Variants in PLEKHG4 observed in about 807,000 individuals in gnomAD.
PLEKHG4 encodes the protein puratrophin-1.
In PLEKHG4, 85 loss-of-function variants were observed where a neutral mutation model predicts 136.9. The ratio of observed to expected loss-of-function variants is 0.62; its 90% confidence interval spans 0.52 to 0.74. PLEKHG4 has a LOEUF of 0.74. PLEKHG4 is among the 30% of genes least tolerant of loss of function. The probability of loss-of-function intolerance (pLI) is 0.00; values close to 1 mark genes in which losing one functional copy is unlikely to be tolerated. For missense variants in PLEKHG4, 1,317 were observed against 1,527.8 expected, an observed-to-expected ratio of 0.86 and a Z score of 2.30; for synonymous variants, 577 against 646.9, an observed-to-expected ratio of 0.89 and a Z score of 1.64.
chr16:67,277,990 TTCAC>T (rs2036054592), upstream of PLEKHG4: 1 of 152,244 alleles, frequency 6.6e-6, no homozygotes, highest in Admixed American at 6.5e-5. Flanking sequence ...GCCTCTGGCA[TTCAC>T]AGGGGTATGT....
rs2036617379 is a variant in PLEKHG4 at position 67,288,913 on chromosome 16, C to T, written c.*105C>T. ...GTGTGGCTGACACCTGGGCTACCTC[C>T]AACCTACATGTGCAACGCTGTTGAC... On this transcript the variant is annotated 3_prime_UTR_variant, in exon 22 of 22. Transcript: ENST00000379344. 7.9e-7 allele frequency: 1 copy of T among 1,270,342 alleles called. No individual in the cohort carries two copies. The highest frequency in any genetic ancestry group is 1.1e-6 in the Non-Finnish European group (1 of 884,788). 78.7% of individuals were successfully genotyped at this position (1,270,342 alleles called of 1,614,324 possible).
In PLEKHG4 at chr16:67,282,515, C is replaced by T. The variant is rs2036281908; in HGVS notation, c.1266C>T (p.Asp422=). Residue 422 remains aspartate (D), a synonymous_variant, in exon 10 of 22, where the codon GAC becomes GAT. Coordinates refer to ENST00000379344, the MANE Select transcript of PLEKHG4 (RefSeq NM_001129729.3). ...TACCCTACACCAGGACGGCAATGGA[C>T]AAGGCTGACGAGCTATATGACCGGG... The part of the protein sequence containing the change: ...TLSPDYRTAM[D]KADELYDRVD... 6.2e-7 allele frequency: 1 copy of T among 1,614,104 alleles called. No individual in the cohort carries two copies. The highest frequency in any genetic ancestry group is 2.2e-5 in the East Asian group (1 of 44,886).
rs764077640 is a variant in PLEKHG4, at chr16:67,288,006, A to G, written c.3212A>G (p.Lys1071Arg). ...INDRTVNYVL[K>R]CREVRSRASI... The stretch of plus-strand genomic sequence containing the variant: ...GACCGCACCGTCAACTATGTCCTGA[A>G]GTGCCGAGGTAGCAGGCAGGCTACA... Residue 1071 changes from lysine (K) to arginine (R), a missense_variant, in exon 19 of 22, where the codon AAG becomes AGG. By Grantham distance (26) the Lys-to-Arg change is conservative. Coordinates refer to ENST00000379344, the MANE Select transcript of PLEKHG4 (RefSeq NM_001129729.3). The G allele has an allele frequency of 3.8e-5, 61 of 1,610,144 alleles. No individual in the cohort carries two copies. The highest frequency in any genetic ancestry group is 5.0e-5 in the Non-Finnish European group (59 of 1,176,540).
intron 5 of PLEKHG4, 62 bp from the exon 6 acceptor site, chr16:67,281,505 C>T (rs774372491): frequency 4.2e-6 from 6 of 1,412,544 alleles, no homozygotes; most frequent in Admixed American, 1.7e-5. Context: ...CAATTACAGG[C>T]GTGAGCCACC....
At chr16:67,285,627 T>C (rs1358381481) in intron 14 of PLEKHG4, 91 bp downstream of exon 14, 3 of 1,470,778 alleles carry the variant, frequency 2.0e-6, no homozygotes, top group African/African-American at 2.8e-5. Context: ...CCCTGTGCTA[T>C]GAGTATAGCT....
At chr16:67,281,698 G>A in intron 6 of PLEKHG4, 26 bp from the exon 7 acceptor site, 1 of 1,613,408 alleles carries the variant, frequency 6.2e-7, no homozygotes, top group South Asian at 1.1e-5. Flanking sequence ...CCCAGGCCTG[G>A]GTCACAACAC....
Position 67,286,676 on chromosome 16 carries a change from C to T in PLEKHG4, c.2754+10C>T. On this transcript the variant is annotated intron_variant, in intron 16 of 21. Transcript: ENST00000379344. The stretch of plus-strand genomic sequence containing the variant: ...CATCCAGGGCTGTGATGTGAGTCAT[C>T]CCAGGGCAAGGGCAGTGGGTGTGAA... 6.3e-7 allele frequency: 1 copy of T among 1,581,298 alleles called. No homozygotes were observed. Among genetic ancestry groups the T allele is most frequent in the Non-Finnish European group, 8.6e-7 (1 of 1,163,118 alleles).
Position 67,284,169 on chromosome 16 carries a change from A to G in PLEKHG4, c.1510-106A>G, listed in dbSNP as rs2036350718. On this transcript the variant is annotated intron_variant, in intron 11 of 21. Transcript: ENST00000379344. The surrounding 1 kb of genome is among the most constrained non-coding windows in gnomAD (Gnocchi z 4.4). ...GAGATACGGGTAGATGTTCCACCAC[A>G]GGACAGACTTGATGGGGACATGTCG... 2.1e-6 allele frequency: 2 copies of G among 955,644 alleles called. No individual in the cohort carries two copies. The highest frequency in any genetic ancestry group is 3.2e-6 in the Non-Finnish European group (2 of 632,232). 59.2% of individuals were successfully genotyped at this position (955,644 alleles called of 1,614,324 possible).
intron 11 of PLEKHG4, among the ~76,000 whole-genome samples, chr16:67,283,856 C>T (rs763242211): frequency 6.6e-6 from 1 of 151,928 alleles, no homozygotes; most frequent in African/African-American, 2.4e-5. Flanking sequence ...GTGCACTGTC[C>T]TCAGGATCCC....
chr16:67,280,672 G>C lies in PLEKHG4; in HGVS notation c.500-39G>C. On this transcript the variant is annotated intron_variant, in intron 2 of 21. Transcript: ENST00000379344. This position sits in a 1 kb window ranked among gnomAD's most constrained non-coding sequence, Gnocchi z 4.4. ...GGGTCCAAGTAGGGGTCTCTGGATA[G>C]GTGGTCCAAGGCAGACCCAAGTCAT... The C allele has an allele frequency of 6.2e-7, 1 of 1,613,778 alleles. No individual in the cohort carries two copies. The highest frequency in any genetic ancestry group is 8.5e-7 in the Non-Finnish European group (1 of 1,179,844).
chr16:67,287,130 C>T lies in PLEKHG4; in HGVS notation c.3056C>T (p.Thr1019Ile), dbSNP rs918879169. 6.2e-7 allele frequency: 1 copy of T among 1,611,598 alleles called. No homozygotes were observed. The highest frequency in any genetic ancestry group is 8.5e-7 in the Non-Finnish European group (1 of 1,180,030). Residue 1019 changes from threonine (T) to isoleucine (I), a missense_variant, in exon 18 of 22, where the codon ACA becomes ATA. Thr to Ile is a moderately conservative substitution (Grantham distance 89). Transcript: ENST00000379344. ...AGCCTGGCTATCAAGCAGGCCTGGA[C>T]AGCTGACATCTCCCACCTGCTTTGG... The part of the protein sequence containing the change: ...ASSLAIKQAW[T>I]ADISHLLWRQ...
Position 67,286,811 on chromosome 16 carries a change from C to T in PLEKHG4, c.2817C>T (p.Arg939=). Residue 939 remains arginine (R), a synonymous_variant, in exon 17 of 22, where the codon CGC becomes CGT. Transcript: ENST00000379344. ...ATGAGTTTGTGGTGCGCACTGGGCG[C>T]CACAAGTCCGTGCGCCGCATCTTCC... The part of the protein sequence containing the change: ...RQDEFVVRTG[R]HKSVRRIFLF... 1.9e-6 allele frequency: 3 copies of T among 1,613,904 alleles called. No individual in the cohort carries two copies. In the South Asian group the frequency reaches 3.3e-5, roughly 18 times the overall value.
rs1169116144 is a variant in PLEKHG4, at chr16:67,282,023, A to G, written c.1020A>G (p.Leu340=). ...CCTGCTTACAGCGGCTGGAAGCTCT[A>G]CTACAGAACTGCCAGGCAGCTTGTG... ...WLDFRRRLEA[L]LQNCQAACAL... The change falls in exon 8 of 22, where the codon CTA becomes CTG. Residue 340 remains leucine, a synonymous_variant. Coordinates refer to ENST00000379344, the MANE Select transcript of PLEKHG4 (RefSeq NM_001129729.3). The G allele has an allele frequency of 1.2e-6, 2 of 1,613,116 alleles. No homozygotes were observed. Among genetic ancestry groups the G allele is most frequent in the Non-Finnish European group, 1.7e-6 (2 of 1,179,788 alleles).
Position 67,282,127 on chromosome 16 carries a change from C to A in PLEKHG4, c.1104+20C>A, listed in dbSNP as rs2036258154. 1 of 1,612,674 alleles carries A rather than the reference C, an allele frequency of 6.2e-7. No homozygotes were observed. The highest frequency in any genetic ancestry group is 1.3e-5 in the African/African-American group (1 of 74,974). On this transcript the variant is annotated intron_variant, in intron 8 of 21. Transcript: ENST00000379344. The stretch of plus-strand genomic sequence containing the variant: ...CCTGGGGTGAGTGTCCCCTCCCAGT[C>A]CCTCCATGAATGCTCCCTGTCTCCC...
rs781288205 is a variant in PLEKHG4 at position 67,280,384 on chromosome 16, A to G, written c.340A>G (p.Ser114Gly). Residue 114 changes from serine to glycine, a missense_variant, in exon 2 of 22, where the codon AGC (serine) becomes GGC (glycine). By Grantham distance (56) the Ser-to-Gly change is moderately conservative. Transcript: ENST00000379344. This position sits in a 1 kb window ranked among gnomAD's most constrained non-coding sequence, Gnocchi z 4.4. Reference sequence around the variant, plus strand: ...CCTATGCCCCATGTCCTCCCACCTCAGCTTGGCACAGGGTGAGAGTGACAC... The same window carrying G: ...CCTATGCCCCATGTCCTCCCACCTCGGCTTGGCACAGGGTGAGAGTGACAC... ...SLLCPMSSHL[S>G]LAQGESDTPG... is the part of the protein sequence containing the mutation. 1 of 1,611,816 alleles carries G rather than the reference A, an allele frequency of 6.2e-7. No homozygotes were observed. Among genetic ancestry groups the G allele is most frequent in the Non-Finnish European group, 8.5e-7 (1 of 1,178,670 alleles).
In PLEKHG4 at chr16:67,284,544, G is replaced by T. The variant is rs144587833; in HGVS notation, c.1692+87G>T. 3 of 1,511,414 alleles carry T rather than the reference G, an allele frequency of 2.0e-6. No individual in the cohort carries two copies. The highest frequency in any genetic ancestry group is 1.1e-5 in the South Asian group (1 of 86,972). The allele number at this position is 1,511,414 out of a possible 1,614,324, so 93.6% of individuals were successfully genotyped here. A position where few individuals can be genotyped will look rare whatever the true frequency, so the allele number is the denominator to read the frequency against. ...TTCAGCAGAGCCTGAGCTTTTCTTG[G>T]TCATGCTGCCTGTTCTCTTCCCTGG... On this transcript the variant is annotated intron_variant, in intron 12 of 21. Transcript: ENST00000379344. The surrounding 1 kb of genome is among the most constrained non-coding windows in gnomAD (Gnocchi z 4.4).
intron 11 of PLEKHG4, 49 bp downstream of exon 11, chr16:67,282,907 G>A (rs2036300135): frequency 7.7e-7 from 1 of 1,291,206 alleles, no homozygotes; most frequent in Non-Finnish European, 1.1e-6. Context: ...TGCAATGCCA[G>A]GAACTAGGAA....
At position 67,286,266 on chromosome 16, in the gene PLEKHG4, C is replaced by T; in HGVS notation, c.2443-8C>T. 1 of 1,606,776 alleles carries T rather than the reference C, an allele frequency of 6.2e-7. No homozygotes were observed. The highest frequency in any genetic ancestry group is 8.5e-7 in the Non-Finnish European group (1 of 1,173,340). On this transcript the variant is annotated splice_polypyrimidine_tract_variant and splice_region_variant and intron_variant, in intron 14 of 21. Coordinates refer to ENST00000379344, the MANE Select transcript of PLEKHG4 (RefSeq NM_001129729.3). ...TTTGCACTGGGGCTGAGCCACATGT[C>T]CTTGTAGAGGGTGCAGTTTGGGATG...
intron 11 of PLEKHG4, among the ~76,000 whole-genome samples, chr16:67,283,959 G>A (rs1426777136): frequency 1.3e-5 from 2 of 152,060 alleles, no homozygotes; most frequent in African/African-American, 4.8e-5. Context: ...AGCTGGGGGA[G>A]CCCAGTAGAG....
Sources: gnomAD v4.1 joint callset for allele counts (sites outside exome capture counted in the v4.1 genomes callset) on GRCh38, gnomAD v4.1.1 for gene constraint, Gnocchi (gnomAD v3.1) non-coding constraint, MANE v1.5 for transcripts, NCBI Gene and HGNC (gene_info 2026-07-23, HGNC 2026-07-21) for gene names.